RELL1: variants seen among roughly 807,000 people sequenced by gnomAD.
RELL1 encodes the protein RELT-like protein 1.
RELL1 carries 10 observed loss-of-function variants against 23.0 expected under a neutral mutation model. That is an observed-to-expected ratio of 0.43 (90% confidence interval 0.27 to 0.74). The LOEUF (loss-of-function observed/expected upper bound fraction) is 0.74. Among genes scored for constraint, RELL1 ranks in the 30% least tolerant of loss-of-function variants. The probability of loss-of-function intolerance (pLI) is 0.19; values close to 1 mark genes in which losing one functional copy is unlikely to be tolerated. For synonymous variants in RELL1, 146 were observed against 146.8 expected (o/e 0.99, Z 0.04); for missense variants, 315 against 364.4 (o/e 0.86, Z 1.10).
intron 6 of RELL1, among the ~76,000 whole-genome samples, chr4:37,617,470 C>T (rs572926704): frequency 9.8e-5 from 15 of 152,308 alleles, no homozygotes; most frequent in African/African-American, 3.4e-4. Flanking sequence ...CACTTAAAGA[C>T]TGAAATATTA....
chr4:37,590,765 G>T (rs1403638677), downstream of RELL1: 2 of 1,614,010 alleles, frequency 1.2e-6, no homozygotes, highest in African/African-American at 2.7e-5. Context: ...TCTGTGAGGA[G>T]AAGCTGGGAT....
At chr4:37,680,124 TGATA>T (rs1385026088) in intron 1 of RELL1, among the ~76,000 whole-genome samples, 3 of 152,186 alleles carry the variant, frequency 2.0e-5, no homozygotes, top group African/African-American at 7.2e-5. Flanking sequence ...AAAATCAACC[TGATA>T]GTTACCAACC....
chr4:37,601,916 G>T (rs1157296762), intron 6 of RELL1, among the ~76,000 whole-genome samples: 3 of 152,074 alleles, frequency 2.0e-5, no homozygotes, highest in African/African-American at 7.2e-5. Flanking sequence ...CTGAATCTGG[G>T]GCTTGAAAGC....
At chr4:37,647,637 T>C (rs1243008995) in intron 2 of RELL1, among the ~76,000 whole-genome samples, 198 bp from the exon 3 acceptor site, 2 of 152,224 alleles carry the variant, frequency 1.3e-5, no homozygotes, top group African/African-American at 4.8e-5. Flanking sequence ...GTATCAAAGC[T>C]GTCCATCTAT....
chr4:37,640,364 A>C (rs1720485456), intron 3 of RELL1, among the ~76,000 whole-genome samples: 1 of 152,264 alleles, frequency 6.6e-6, no homozygotes, highest in South Asian at 2.1e-4. Context: ...TCTGTAAAAC[A>C]CATTTAAGTA....
chr4:37,668,947 CCTGT>C (rs1194481540), intron 1 of RELL1, among the ~76,000 whole-genome samples: 7 of 151,798 alleles, frequency 4.6e-5, no homozygotes, highest in Admixed American at 1.3e-4. Context: ...TGGCAACCGC[CCTGT>C]CTGAGAGGTG....
intron 6 of RELL1, among the ~76,000 whole-genome samples, chr4:37,605,150 A>G (rs115515023): frequency 2.0e-5 from 3 of 152,334 alleles, no homozygotes; most frequent in African/African-American, 7.2e-5. Context: ...AGTACTATGG[A>G]GCAAGCCTGG....
At chr4:37,603,812 G>T (rs577109355) in intron 6 of RELL1, among the ~76,000 whole-genome samples, 172 of 151,372 alleles carry the variant, frequency 1.1e-3, no homozygotes, top group African/African-American at 3.8e-3. Context: ...GCTTTTTTTT[G>T]TTGTTGTTGT....
chr4:37,647,192 C>T (rs940784252), intron 3 of RELL1, among the ~76,000 whole-genome samples, 176 bp downstream of exon 3: 44 of 152,174 alleles, frequency 2.9e-4, no homozygotes. Context: ...GACCGACTCA[C>T]GCTTAGAAAA....
chr4:37,622,857 T>G (rs1273438122), intron 6 of RELL1: 3 of 449,170 alleles, frequency 6.7e-6, no homozygotes, highest in South Asian at 3.1e-5. Flanking sequence ...CCGGCTGAAG[T>G]GCAGTGGCAT....
At chr4:37,633,775 A>G (rs1177579222) in intron 5 of RELL1, among the ~76,000 whole-genome samples, 1 of 152,218 alleles carries the variant, frequency 6.6e-6, no homozygotes, top group Non-Finnish European at 1.5e-5. Context: ...TAGTCTACAC[A>G]CAGCAACTCT....
chr4:37,601,929 C>G (rs1379996959), intron 6 of RELL1, among the ~76,000 whole-genome samples: 2 of 152,060 alleles, frequency 1.3e-5, no homozygotes, highest in African/African-American at 4.8e-5. Context: ...TTGAAAGCAA[C>G]CAGGCTGGGC....
At chr4:37,604,888 G>GACAC (rs757621847) in intron 6 of RELL1, among the ~76,000 whole-genome samples, 1 of 63,456 alleles carries the variant, frequency 1.6e-5, no homozygotes, top group Non-Finnish European at 3.1e-5. Context: ...CATACACACA[G>GACAC]ACACACACAC....
chr4:37,614,125 T>C (rs1373538751), intron 6 of RELL1, among the ~76,000 whole-genome samples: 1 of 152,202 alleles, frequency 6.6e-6, no homozygotes, highest in South Asian at 2.1e-4. Context: ...TGCAGAAATA[T>C]GAAGAAATAG....
At chr4:37,596,736 A>ATATATATATATATATATATATATTTT (rs1365185216) in intron 6 of RELL1, among the ~76,000 whole-genome samples, 1 of 16,506 alleles carries the variant, frequency 6.1e-5, no homozygotes, top group Non-Finnish European at 1.5e-4. Context: ...ATATATATAT[A>ATATATATATATATATATATATATTTT]TTTTTTTTTT....
downstream of RELL1, among the ~76,000 whole-genome samples, chr4:37,606,183 GAA>G (rs1255534956): frequency 9.7e-5 from 8 of 82,866 alleles, no homozygotes; most frequent in Non-Finnish European, 2.2e-4. This position sits in a 1 kb window ranked among gnomAD's most constrained non-coding sequence, Gnocchi z 4.1. Context: ...GGAGAAAGAA[GAA>G]AGAAAGAGAA....
At chr4:37,683,149 A>T (rs1030980571) in intron 1 of RELL1, among the ~76,000 whole-genome samples, 1 of 152,138 alleles carries the variant, frequency 6.6e-6, no homozygotes, top group African/African-American at 2.4e-5. Flanking sequence ...ACATGCTTAC[A>T]ATTTTATGAC....
rs752774639 is a variant in RELL1, at chr4:37,686,251, C to T, written c.37G>A (p.Ala13Thr). ...GCGCCTCCCACGAAGACAGCAGCGGCTAGGACGGCGGACCCCGGGAGTGCC... is the reference window on the plus strand; with the variant it reads ...GCGCCTCCCACGAAGACAGCAGCGGTTAGGACGGCGGACCCCGGGAGTGCC... ...PRALPGSAVL[A>T]AAVFVGGAVS... Residue 13 changes from alanine to threonine, a missense_variant, in exon 1 of 7, where the codon GCC (alanine) becomes ACC (threonine). Physicochemically the swap from Ala to Thr is moderately conservative, Grantham distance 58. Coordinates refer to ENST00000454158, the MANE Select transcript of RELL1 (RefSeq NM_001085400.2). The T allele has an allele frequency of 1.9e-6, 3 of 1,573,798 alleles. No homozygotes were observed. The highest frequency in any genetic ancestry group is 2.6e-6 in the Non-Finnish European group (3 of 1,168,468).
intron 3 of RELL1, among the ~76,000 whole-genome samples, chr4:37,644,842 A>G (rs866545406): frequency 6.6e-6 from 1 of 152,156 alleles, no homozygotes; most frequent in South Asian, 2.1e-4. Flanking sequence ...TTTGAAAGGA[A>G]TAAGTTTTCC....
Sources: allele counts gnomAD v4.1 joint callset (sites outside exome capture counted in the v4.1 genomes callset), GRCh38; gene constraint gnomAD v4.1.1; non-coding constraint Gnocchi (gnomAD v3.1); transcripts MANE v1.5; gene names NCBI Gene and HGNC (gene_info 2026-07-23, HGNC 2026-07-21).